PTPRS: variants seen among roughly 807,000 people sequenced by gnomAD.
PTPRS encodes protein tyrosine phosphatase receptor type S.
Under a neutral mutation model 215.3 loss-of-function variants are expected in PTPRS, and 63 were observed. The observed-to-expected ratio is 0.29, with a 90% CI of 0.24 to 0.36. The LOEUF is 0.36. PTPRS is among the 10% of genes least tolerant of loss of function. The pLI, the probability that PTPRS is intolerant of heterozygous loss-of-function variation, is 1.00. For missense variants in PTPRS, 2,258 were observed against 2,825.8 expected (o/e 0.80, Z 4.56); for synonymous variants, 1,404 against 1,191.4 (o/e 1.18, Z -3.68).
At chr19:5,239,164 G>GAGAGAGAGAGAGA (rs1568451445) in intron 12 of PTPRS, 101 bp from the exon 13 acceptor site, 2 of 414,316 alleles carry the variant, frequency 4.8e-6, no homozygotes, top group Non-Finnish European at 8.1e-6. Flanking sequence ...GGGGGGAGGG[G>GAGAGAGAGAGAGA]GAGAGAGAGA....
chr19:5,261,165 G>C (rs900433691), intron 6 of PTPRS, among the ~76,000 whole-genome samples: 5 of 152,120 alleles, frequency 3.3e-5, no homozygotes, highest in African/African-American at 1.2e-4. Flanking sequence ...CCCTTTGGTG[G>C]CCTTCCCTCT....
chr19:5,273,089 A>G, intron 4 of PTPRS: 2 of 312,314 alleles, frequency 6.4e-6, no homozygotes, highest in Non-Finnish European at 1.2e-5. Context: ...CCCTGGATCC[A>G]GCTGAACCTG....
In PTPRS at chr19:5,245,783, C is replaced by T. The variant is rs77031077; in HGVS notation, c.981G>A (p.Thr327=). 77 of 1,596,562 alleles carry T rather than the reference C, an allele frequency of 4.8e-5. No homozygotes were observed. The highest frequency in any genetic ancestry group is 3.4e-5 in the South Asian group (3 of 88,204). The change falls in exon 10 of 38, where the codon ACG becomes ACA. Residue 327 remains threonine (T), a synonymous_variant. Coordinates refer to ENST00000262963, the MANE Select transcript of PTPRS (RefSeq NM_002850.4). The part of the protein sequence containing the change: ...LGVIEAVAQI[T]VKSLPKAPGT... The stretch of plus-strand genomic sequence containing the variant: ...CCCATGGGCCCTGCTCACATTTCAC[C>T]GTGATCTGAGCAACCGCCTCAATGA...
intron 1 of PTPRS, among the ~76,000 whole-genome samples, chr19:5,320,367 T>C (rs1363288768): frequency 6.6e-6 from 1 of 152,220 alleles, no homozygotes; most frequent in African/African-American, 2.4e-5. Flanking sequence ...CCACTTGGCT[T>C]ATCCGGCTCC....
At position 5,257,957 on chromosome 19, in the gene PTPRS, G is replaced by A; in HGVS notation, c.706+60C>T. 1 of 1,444,298 alleles carries A rather than the reference G, an allele frequency of 6.9e-7. No individual in the cohort carries two copies. The highest frequency in any genetic ancestry group is 9.6e-7 in the Non-Finnish European group (1 of 1,042,118). 89.5% of individuals were successfully genotyped at this position (1,444,298 alleles called of 1,614,324 possible). A position where few individuals can be genotyped will look rare whatever the true frequency, so the allele number is the denominator to read the frequency against. On this transcript the variant is annotated intron_variant, in intron 8 of 37. Transcript: ENST00000262963. The surrounding 1 kb of genome is among the most constrained non-coding windows in gnomAD (Gnocchi z 4.4). ...GGAGCCCGGAGGCGGTGAGCCCGAG[G>A]AGGGAGGGGGATGGGACGGGGCGGG...
chr19:5,292,497 C>T (rs889643857), intron 1 of PTPRS, among the ~76,000 whole-genome samples: 1 of 152,122 alleles, frequency 6.6e-6, no homozygotes, highest in African/African-American at 2.4e-5. Context: ...AGCCCAGGGA[C>T]GGGAATGGGT....
Position 5,208,301 on chromosome 19 carries a change from T to C in PTPRS, c.5578A>G (p.Ile1860Val). ...PKSGEGFIDF[I>V]GQVHKTKEQF... ...TCCTTAGTCTTATGCACTTGGCCAA[T>C]GAAGTCGATGAAGCCCTCCCCCGAC... The change falls in exon 36 of 38, where the codon ATT becomes GTT. Residue 1860 changes from isoleucine to valine, a missense_variant. Ile to Val is a conservative substitution (Grantham distance 29). Coordinates refer to ENST00000262963, the MANE Select transcript of PTPRS (RefSeq NM_002850.4). 2.5e-6 allele frequency: 4 copies of C among 1,613,948 alleles called. No homozygotes were observed. The highest frequency in any genetic ancestry group is 3.4e-6 in the Non-Finnish European group (4 of 1,179,898).
chr19:5,229,793 T>C, intron 14 of PTPRS, 109 bp from the exon 15 acceptor site: 3 of 647,368 alleles, frequency 4.6e-6, no homozygotes, highest in Non-Finnish European at 6.5e-6. Context: ...TGGCTGCCGG[T>C]GAATAACTGG....
Position 5,211,628 on chromosome 19 carries a change from G to A in PTPRS, c.5196C>T (p.Gly1732=). 6.2e-7 allele frequency: 1 copy of A among 1,613,742 alleles called. No individual in the cohort carries two copies. The highest frequency in any genetic ancestry group is 8.5e-7 in the Non-Finnish European group (1 of 1,179,678). Residue 1732 remains glycine (G), a synonymous_variant, in exon 33 of 38, where the codon GGC becomes GGT. Transcript: ENST00000262963. ...TGAAGCTGGCGTTGATGTAGTCAGA[G>A]CCCTCCACACCCCGGATGGGTTGCA... ...VCLQPIRGVE[G]SDYINASFID... is the part of the protein sequence containing the mutation.
At chr19:5,207,823 T>G in intron 37 of PTPRS, 99 bp downstream of exon 37, 53 of 1,524,536 alleles carry the variant, frequency 3.5e-5, no homozygotes, top group Non-Finnish European at 4.7e-5. Flanking sequence ...ACCCAGAGAG[T>G]CCCAGGTGGC....
intron 14 of PTPRS, 131 bp from the exon 15 acceptor site, chr19:5,229,815 G>A: frequency 1.9e-6 from 1 of 532,940 alleles, no homozygotes; most frequent in Admixed American, 4.6e-5. Context: ...CGCTCTTAGC[G>A]CTCACCACCG....
At chr19:5,222,573 AC>A in intron 18 of PTPRS, 115 bp downstream of exon 18, 1 of 1,206,832 alleles carries the variant, frequency 8.3e-7, no homozygotes, top group Non-Finnish European at 1.1e-6. Context: ...GCCTTGAGTG[AC>A]CACGAGGAAG....
chr19:5,335,732 G>C (rs796232187), intron 1 of PTPRS, among the ~76,000 whole-genome samples: 14 of 152,262 alleles, frequency 9.2e-5, no homozygotes, highest in African/African-American at 3.4e-4. Flanking sequence ...ACGGCGATGG[G>C]GACCGGAGGA....
At chr19:5,320,068 C>T (rs886932) in intron 1 of PTPRS, among the ~76,000 whole-genome samples, 3,933 of 152,274 alleles carry the variant, frequency 0.026, 152 homozygotes, top group East Asian at 0.16. Flanking sequence ...AGCGCAAAAT[C>T]GGAGGCAGTG....
At position 5,244,298 on chromosome 19, in the gene PTPRS, G is replaced by A. The variant is rs2145954233; in HGVS notation, c.1173C>T (p.Gly391=). ...TCTCGTACTCCGAGTTGGGGCTCAG[G>A]CCGCCGATGCTGTAACGTGTGGTGG... The part of the protein sequence containing the change: ...DITTTRYSIG[G]LSPNSEYEIW... The change falls in exon 11 of 38, where the codon GGC becomes GGT. Residue 391 remains glycine, a synonymous_variant. Transcript: ENST00000262963. This position sits in a 1 kb window ranked among gnomAD's most constrained non-coding sequence, Gnocchi z 7.2. 6.2e-7 allele frequency: 1 copy of A among 1,614,250 alleles called. No homozygotes were observed. The highest frequency in any genetic ancestry group is 1.3e-5 in the African/African-American group (1 of 75,072).
At chr19:5,238,878 G>T in intron 13 of PTPRS, 41 bp downstream of exon 13, 1 of 1,539,096 alleles carries the variant, frequency 6.5e-7, no homozygotes, top group Non-Finnish European at 8.7e-7. Flanking sequence ...GTCAGGCCGT[G>T]GTCCCTCCCG....
intron 17 of PTPRS, among the ~76,000 whole-genome samples, chr19:5,223,573 T>C (rs2042209795): frequency 6.7e-6 from 1 of 150,062 alleles, no homozygotes; most frequent in African/African-American, 2.5e-5. Context: ...TTTTTTTTTT[T>C]TTTTTTTGAG....
intron 1 of PTPRS, among the ~76,000 whole-genome samples, chr19:5,315,351 GTTTTTTTTTTTTTTTTT>G (rs952833168): frequency 1.3e-5 from 1 of 79,802 alleles, no homozygotes; most frequent in Non-Finnish European, 2.2e-5. Flanking sequence ...TTTGAAAAGG[GTTTTTTTTTTTTTTTTT>G]TTTTTTTTTT....
In PTPRS at chr19:5,231,421, G is replaced by A. The variant is rs1445603665; in HGVS notation, c.2044C>T (p.Leu682=). ...NGIPPTTTQI[L]LEALEKWTQY... is the part of the protein sequence containing the mutation. ...GTCCACTTCTCCAAGGCCTCCAGCA[G>A]GATCTGAGTGGTGGTCGGGGGGATG... The change falls in exon 14 of 38, where the codon CTG becomes TTG. Residue 682 remains leucine, a synonymous_variant. Coordinates refer to ENST00000262963, the MANE Select transcript of PTPRS (RefSeq NM_002850.4). The A allele has an allele frequency of 6.2e-7, 1 of 1,613,226 alleles. No individual in the cohort carries two copies. The highest frequency in any genetic ancestry group is 1.3e-5 in the African/African-American group (1 of 75,028).
Sources: gnomAD v4.1 joint callset for allele counts (sites outside exome capture counted in the v4.1 genomes callset) on GRCh38, gnomAD v4.1.1 for gene constraint, Gnocchi (gnomAD v3.1) non-coding constraint, MANE v1.5 for transcripts, NCBI Gene and HGNC (gene_info 2026-07-23, HGNC 2026-07-21) for gene names.